The following CPEB3 variants were observed in gnomAD, a reference collection of about 807,000 sequenced individuals.
CPEB3 encodes cytoplasmic polyadenylation element binding protein 3.
CPEB3 carries 20 observed loss-of-function variants against 67.2 expected under a neutral mutation model. The observed-to-expected ratio is 0.30, with a 90% CI of 0.21 to 0.43. The LOEUF (loss-of-function observed/expected upper bound fraction) is 0.43, where lower values mean the gene tolerates loss of function less well. Ranked by LOEUF, CPEB3 falls within the 20% of genes least tolerant of loss-of-function variation. The probability of loss-of-function intolerance (pLI) is 1.00; values close to 1 mark genes in which losing one functional copy is unlikely to be tolerated. For missense variants in CPEB3, 746 were observed against 968.6 expected, an observed-to-expected ratio of 0.77 and a Z score of 3.05; for synonymous variants, 376 against 393.1, an observed-to-expected ratio of 0.96 and a Z score of 0.51.
intron 2 of CPEB3, among the ~76,000 whole-genome samples, chr10:92,221,269 G>GA (rs1850685783): frequency 6.6e-6 from 1 of 152,164 alleles, no homozygotes; most frequent in Admixed American, 6.6e-5. Flanking sequence ...ATGGCAGGTG[G>GA]ATCACTTGAG....
rs1842251393 is a variant in CPEB3 at position 92,280,748 on chromosome 10, CTATTCTTT to C, written c.-12+10170_-12+10177del. Among the ~76,000 whole-genome samples the C allele has an allele frequency of 2.2e-5, 3 of 134,772 alleles. No individual in the cohort carries two copies. In the South Asian group the frequency reaches 6.9e-4, roughly 31 times the overall value. The allele number at this position is 134,772 out of a possible 152,430, so 88.4% of individuals were successfully genotyped here. ...ATACAGGCTAATAGACGGTGAGCAT[CTATTCTTT>C]TTTTTTTTTTTTTTTTTTTGGAGAC... On this transcript the variant is annotated intron_variant, in intron 1 of 9. Transcript: ENST00000265997.
chr10:92,201,523 G>A (rs1042645278), intron 2 of CPEB3, among the ~76,000 whole-genome samples: 6 of 150,108 alleles, frequency 4.0e-5, no homozygotes, highest in Non-Finnish European at 5.9e-5. Context: ...ACAAGACACT[G>A]TCTCAGAAAC....
intron 1 of CPEB3, among the ~76,000 whole-genome samples, chr10:92,257,597 T>C (rs1222815635): frequency 6.6e-6 from 1 of 152,164 alleles, no homozygotes; most frequent in African/African-American, 2.4e-5. Flanking sequence ...GCCAACAAAT[T>C]GCTTTAGAAA....
chr10:92,270,059 G>T (rs1853238448), intron 1 of CPEB3, among the ~76,000 whole-genome samples: 1 of 152,184 alleles, frequency 6.6e-6, no homozygotes, highest in South Asian at 2.1e-4. Flanking sequence ...GTAAGAGGAT[G>T]CTCATGGCAT....
At chr10:92,085,342 TG>T (rs1843327258) in intron 8 of CPEB3, among the ~76,000 whole-genome samples, 1 of 152,230 alleles carries the variant, frequency 6.6e-6, no homozygotes, top group Non-Finnish European at 1.5e-5. Context: ...TACCATACTT[TG>T]GACAAGATGC....
chr10:92,240,794 A>G (rs1352695809), intron 1 of CPEB3, among the ~76,000 whole-genome samples: 3 of 152,194 alleles, frequency 2.0e-5, no homozygotes, highest in Non-Finnish European at 4.4e-5. Context: ...TGCGTCCTTC[A>G]GCAAGGTTAA....
intron 9 of CPEB3, among the ~76,000 whole-genome samples, chr10:92,053,643 G>A (rs547499647): frequency 6.6e-5 from 10 of 151,236 alleles, no homozygotes; most frequent in Admixed American, 2.6e-4. Context: ...CCAGGTTCAC[G>A]CCATTCTCCT....
chr10:92,109,759 GTTCT>G (rs1844644448), intron 7 of CPEB3, among the ~76,000 whole-genome samples: 1 of 152,086 alleles, frequency 6.6e-6, no homozygotes, highest in African/African-American at 2.4e-5. Flanking sequence ...TTCTTTAGTA[GTTCT>G]TTCTTCTGCT....
At chr10:92,200,545 CAAAAAAAAAAAA>C (rs57165866) in intron 2 of CPEB3, among the ~76,000 whole-genome samples, 2 of 54,556 alleles carry the variant, frequency 3.7e-5, no homozygotes, top group South Asian at 8.4e-4. Flanking sequence ...AACTCCGTCT[CAAAAAAAAAAAA>C]AAAAAAAAAA....
chr10:92,192,833 G>C (rs1849048184), intron 2 of CPEB3, among the ~76,000 whole-genome samples, 197 bp from the exon 3 acceptor site: 1 of 152,074 alleles, frequency 6.6e-6, no homozygotes. Context: ...TCCCAGGCTG[G>C]TCTCGAATGT....
chr10:92,182,837 AAAAAAAAG>A (rs1297013618), intron 3 of CPEB3, among the ~76,000 whole-genome samples: 2 of 151,834 alleles, frequency 1.3e-5, no homozygotes, highest in Non-Finnish European at 2.9e-5. Flanking sequence ...AAAAAAAAAA[AAAAAAAAG>A]AGGCAGGGAA....
chr10:92,051,125 A>T lies in CPEB3; in HGVS notation c.*1087T>A, dbSNP rs1010960941. ...ACACCTAGGTTTTATATCGGTTGTA[A>T]TATAGGTCATTCTGTTATGGGCTCT... On this transcript the variant is annotated 3_prime_UTR_variant, in exon 10 of 10. Transcript: ENST00000265997. The T allele has an allele frequency of 1.3e-5, 2 of 152,582 alleles. No homozygotes were observed. Among genetic ancestry groups the T allele is most frequent in the Admixed American group, 6.5e-5 (1 of 15,288 alleles). The allele number at this position is 152,582 out of a possible 1,614,324, so 9.5% of individuals were successfully genotyped here.
At chr10:92,119,197 CATT>C (rs1845206468) in intron 6 of CPEB3, 1 of 1,581,834 alleles carries the variant, frequency 6.3e-7, no homozygotes, top group Non-Finnish European at 8.7e-7. Flanking sequence ...TATTCCTACA[CATT>C]ATTACATTCA....
chr10:92,134,660 CTACTT>C, intron 6 of CPEB3, among the ~76,000 whole-genome samples: 1 of 151,922 alleles, frequency 6.6e-6, no homozygotes. Flanking sequence ...TTGGAAAAAA[CTACTT>C]TAAAGTTCAT....
intron 4 of CPEB3, among the ~76,000 whole-genome samples, chr10:92,178,626 C>A (rs560874894): frequency 3.3e-5 from 5 of 151,954 alleles, no homozygotes; most frequent in Non-Finnish European, 5.9e-5. Flanking sequence ...GGATTGCTTG[C>A]AGCAAGGAGT....
Position 92,055,840 on chromosome 10 carries a change from G to A in CPEB3, c.1870-3401C>T, listed in dbSNP as rs949415247. On this transcript the variant is annotated intron_variant, in intron 9 of 9. Transcript: ENST00000265997. ...GGATCCTTTGAGCCCAGGAGTTCGA[G>A]ACTAGCCTGGGCAACAACAACAAAA... is the stretch of plus-strand genomic sequence containing the variant. Among the ~76,000 whole-genome samples the A allele has an allele frequency of 4.6e-5, 7 of 152,080 alleles. 1 individual carries two copies. The highest frequency in any genetic ancestry group is 1.0e-4 in the Non-Finnish European group (7 of 68,018).
At chr10:92,096,456 G>T (rs1333065015) in intron 7 of CPEB3, among the ~76,000 whole-genome samples, 3 of 152,086 alleles carry the variant, frequency 2.0e-5, no homozygotes, top group Non-Finnish European at 4.4e-5. Context: ...GAGAAAGAAG[G>T]TGTGTGAGTG....
intron 9 of CPEB3, among the ~76,000 whole-genome samples, chr10:92,080,551 C>T (rs1422780424): frequency 6.6e-6 from 1 of 151,794 alleles, no homozygotes; most frequent in East Asian, 1.9e-4. Flanking sequence ...AAGGGAAAAG[C>T]AGCTATTTGA....
intron 9 of CPEB3, among the ~76,000 whole-genome samples, chr10:92,071,159 T>A (rs1303520199): frequency 2.0e-5 from 3 of 151,960 alleles, no homozygotes; most frequent in African/African-American, 7.3e-5. Flanking sequence ...AACCCCAGAT[T>A]GGCTGATTCT....
Sources: allele counts gnomAD v4.1 joint callset (sites outside exome capture counted in the v4.1 genomes callset), GRCh38; gene constraint gnomAD v4.1.1; transcripts MANE v1.5; gene names NCBI Gene and HGNC (gene_info 2026-07-23, HGNC 2026-07-21).